The following BRI3BP variants were observed in gnomAD, a reference collection of about 807,000 sequenced individuals.
BRI3BP encodes the protein BRI3-binding protein.
Under a neutral mutation model 15.8 loss-of-function variants are expected in BRI3BP, and 7 were observed. That is an observed-to-expected ratio of 0.44 (90% confidence interval 0.25 to 0.83). The LOEUF is 0.83. BRI3BP is among the 40% of genes least tolerant of loss of function. BRI3BP has a pLI of 0.20. For missense variants in BRI3BP, 320 were observed against 339.3 expected (o/e 0.94, Z 0.45); for synonymous variants, 192 against 163.5 (o/e 1.17, Z -1.33).
chr12:125,016,829 T>G (rs1347447735), intron 2 of BRI3BP, among the ~76,000 whole-genome samples: 33 of 27,652 alleles, frequency 1.2e-3, no homozygotes, highest in African/African-American at 2.4e-3. Flanking sequence ...CCCAGCCTTT[T>G]TTTTTTTTTT....
At chr12:125,024,532 G>A (rs1236200406) in intron 2 of BRI3BP, among the ~76,000 whole-genome samples, 1 of 152,120 alleles carries the variant, frequency 6.6e-6, no homozygotes, top group Admixed American at 6.5e-5. Context: ...GGGCATGGTG[G>A]CTCATGCCTG....
downstream of BRI3BP, among the ~76,000 whole-genome samples, chr12:125,033,501 A>G (rs1254100127): frequency 1.3e-5 from 2 of 151,632 alleles, no homozygotes; most frequent in South Asian, 2.1e-4. Flanking sequence ...CATTCCCCAC[A>G]TTTTTCTTCC....
At chr12:125,017,092 C>T (rs1454877378) in intron 2 of BRI3BP, among the ~76,000 whole-genome samples, 2 of 151,312 alleles carry the variant, frequency 1.3e-5, no homozygotes, top group Non-Finnish European at 2.9e-5. Context: ...TCTCATCTCA[C>T]CACTGCAACC....
intron 2 of BRI3BP, among the ~76,000 whole-genome samples, chr12:125,019,312 G>A (rs1204919270): frequency 6.6e-6 from 1 of 152,070 alleles, no homozygotes; most frequent in African/African-American, 2.4e-5. Context: ...TGGTTTAAAG[G>A]ACAGCTTTCA....
At chr12:125,006,531 C>T (rs1282611297) in intron 1 of BRI3BP, among the ~76,000 whole-genome samples, 6 of 152,194 alleles carry the variant, frequency 3.9e-5, no homozygotes, top group Non-Finnish European at 8.8e-5. Context: ...TTTCAGAGCA[C>T]CTGCCTGTCA....
rs1027689427 is a variant in BRI3BP at position 125,031,117 on chromosome 12, A to G, written c.*5687A>G. ...TCACTGGCTTTGGTGTTATGTAGAG[A>G]TATTTGTAGATCTCAGAACAGAATT... On this transcript the variant is annotated 3_prime_UTR_variant, in exon 3 of 3. Transcript: ENST00000341446. 2.0e-5 allele frequency: 3 copies of G among 152,156 alleles called. No individual in the cohort carries two copies. The highest frequency in any genetic ancestry group is 4.4e-5 in the Non-Finnish European group (3 of 68,030). 9.4% of individuals were successfully genotyped at this position (152,156 alleles called of 1,614,324 possible). A position where few individuals can be genotyped will look rare whatever the true frequency, so the allele number is the denominator to read the frequency against.
At chr12:124,997,335 C>T (rs1222918673) in intron 1 of BRI3BP, among the ~76,000 whole-genome samples, 1 of 149,152 alleles carries the variant, frequency 6.7e-6, no homozygotes, top group Non-Finnish European at 1.5e-5. Context: ...CCTGCTTCAG[C>T]CTCCCTAGTA....
At position 124,993,701 on chromosome 12, in the gene BRI3BP, A is replaced by G; in HGVS notation, c.-90A>G. 1.4e-6 allele frequency: 1 copy of G among 720,356 alleles called. No individual in the cohort carries two copies. The highest frequency in any genetic ancestry group is 5.9e-5 in the South Asian group (1 of 16,930). The allele number at this position is 720,356 out of a possible 1,614,324, so 44.6% of individuals were successfully genotyped here. A position where few individuals can be genotyped will look rare whatever the true frequency, so the allele number is the denominator to read the frequency against. ...GTAAAGGCGCGGCGCGCGGCCCCCGAGCGCGCCAACCTTGCCCTAGCCGGA... is the reference window on the plus strand; with the variant it reads ...GTAAAGGCGCGGCGCGCGGCCCCCGGGCGCGCCAACCTTGCCCTAGCCGGA... On this transcript the variant is annotated 5_prime_UTR_variant, in exon 1 of 3. Coordinates refer to ENST00000341446, the MANE Select transcript of BRI3BP (RefSeq NM_080626.6).
chr12:125,038,918 C>T, the BRI3BP span, among the ~76,000 whole-genome samples: 2 of 151,802 alleles, frequency 1.3e-5, no homozygotes, highest in Non-Finnish European at 2.9e-5. Context: ...GGTGAAACCC[C>T]GTCTCTACTA....
At chr12:125,046,475 A>G in the BRI3BP span, among the ~76,000 whole-genome samples, 284 of 152,048 alleles carry the variant, frequency 1.9e-3, 2 homozygotes, top group African/African-American at 6.7e-3. Context: ...GCTGCCTCCC[A>G]AGAACCTCTG....
At chr12:125,005,698 G>T (rs1056711933) in intron 1 of BRI3BP, among the ~76,000 whole-genome samples, 1 of 152,002 alleles carries the variant, frequency 6.6e-6, no homozygotes, top group African/African-American at 2.4e-5. Context: ...TTGAACCCGT[G>T]GGGTGGGGAG....
At chr12:125,040,837 T>G in the BRI3BP span, among the ~76,000 whole-genome samples, 289 of 150,386 alleles carry the variant, frequency 1.9e-3, no homozygotes, top group African/African-American at 6.6e-3. Context: ...TTCGAGTGAG[T>G]CTCCTGCCTC....
downstream of BRI3BP, among the ~76,000 whole-genome samples, chr12:125,036,217 A>ATGC (rs1955439504): frequency 1.6e-3 from 238 of 147,810 alleles, no homozygotes; most frequent in Admixed American, 2.3e-3. Flanking sequence ...GACACACACC[A>ATGC]CTACACCTGG....
chr12:125,016,393 T>C (rs1259232388), intron 2 of BRI3BP, among the ~76,000 whole-genome samples: 4 of 151,126 alleles, frequency 2.6e-5, no homozygotes, highest in Non-Finnish European at 4.4e-5. Context: ...ATGGGAACTC[T>C]GTAGCCCCGA....
the BRI3BP span, among the ~76,000 whole-genome samples, chr12:125,042,828 T>C: frequency 3.3e-5 from 5 of 152,120 alleles, no homozygotes; most frequent in Admixed American, 6.6e-5. Flanking sequence ...TGAGCCACCA[T>C]GCACAGCCCA....
intron 1 of BRI3BP, among the ~76,000 whole-genome samples, chr12:124,999,330 A>G (rs957293109): frequency 2.0e-5 from 3 of 152,212 alleles, no homozygotes; most frequent in Non-Finnish European, 4.4e-5. Flanking sequence ...CGAAGCAGCC[A>G]GATATTCTGA....
At chr12:124,996,246 A>T (rs1047572044) in intron 1 of BRI3BP, among the ~76,000 whole-genome samples, 4 of 151,710 alleles carry the variant, frequency 2.6e-5, no homozygotes, top group Non-Finnish European at 4.4e-5. Flanking sequence ...AGTGTAGCCC[A>T]CACTGGCCAG....
intron 1 of BRI3BP, among the ~76,000 whole-genome samples, chr12:125,002,913 T>G (rs1955108331): frequency 6.6e-6 from 1 of 152,244 alleles, no homozygotes; most frequent in African/African-American, 2.4e-5. Context: ...GGTGTCTGTT[T>G]GTGCCATCGC....
At chr12:124,996,034 C>T (rs1297172061) in intron 1 of BRI3BP, among the ~76,000 whole-genome samples, 1 of 152,184 alleles carries the variant, frequency 6.6e-6, no homozygotes, top group Non-Finnish European at 1.5e-5. Context: ...CCCACTCACC[C>T]TCCCAAGTAG....
Sources: allele counts gnomAD v4.1 joint callset (sites outside exome capture counted in the v4.1 genomes callset), GRCh38; gene constraint gnomAD v4.1.1; transcripts MANE v1.5; gene names NCBI Gene and HGNC (gene_info 2026-07-23, HGNC 2026-07-21).